The following ATM variants were observed in gnomAD, a reference collection of about 807,000 sequenced individuals.
The protein encoded by ATM is ATM serine/threonine kinase.
In ATM, 308 loss-of-function variants were observed where a neutral mutation model predicts 387.0. That is an observed-to-expected ratio of 0.80 (90% confidence interval 0.73 to 0.87). The LOEUF (loss-of-function observed/expected upper bound fraction) is 0.87, where lower values mean the gene tolerates loss of function less well. ATM is among the 40% of genes least tolerant of loss of function. The pLI, the probability that ATM is intolerant of heterozygous loss-of-function variation, is 0.00. For synonymous variants in ATM, 1,156 were observed against 1,187.3 expected, an observed-to-expected ratio of 0.97 and a Z score of 0.54; for missense variants, 3,312 against 3,560.9, an observed-to-expected ratio of 0.93 and a Z score of 1.78.
At chr11:108,277,370 T>C (rs1489642998) in intron 22 of ATM, among the ~76,000 whole-genome samples, 1 of 151,642 alleles carries the variant, frequency 6.6e-6, no homozygotes, top group African/African-American at 2.4e-5. Context: ...TCTAGGGGAG[T>C]GAATGGGTCC....
chr11:108,266,268 C>T (rs372974282), intron 16 of ATM, among the ~76,000 whole-genome samples: 1 of 150,588 alleles, frequency 6.6e-6, no homozygotes, highest in South Asian at 2.1e-4. Flanking sequence ...GATTAAGAAA[C>T]TGTGGCACAT....
chr11:108,347,826 T>C (rs1442955583), intron 59 of ATM, among the ~76,000 whole-genome samples: 1 of 152,156 alleles, frequency 6.6e-6, no homozygotes, highest in African/African-American at 2.4e-5. Flanking sequence ...CATTAAACTA[T>C]AGGAAATAAA....
rs561177838 is a variant in ATM at position 108,283,437 on chromosome 11, G to A, written c.3746+558G>A. Among the ~76,000 whole-genome samples, 4 of 152,274 alleles carry A rather than the reference G, an allele frequency of 2.6e-5. No homozygotes were observed. The East Asian group carries it at 7.7e-4, about 29-fold the overall frequency. On this transcript the variant is annotated intron_variant, in intron 25 of 62. Coordinates refer to ENST00000675843, the MANE Select transcript of ATM (RefSeq NM_000051.4). ...GTAATGTTTAGGTATCAGGATGATG[G>A]GAAGGCATCTCATATTTGTTGAACA...
chr11:108,236,614 A>T (rs1239512391), intron 5 of ATM: 1 of 152,150 alleles, frequency 6.6e-6, no homozygotes, highest in African/African-American at 2.4e-5. Flanking sequence ...TGTAGAAAGG[A>T]TAAGACACAA....
chr11:108,364,979 C>A lies in ATM; in HGVS notation c.8851-103C>A, dbSNP rs1167895163. ...GATGTTTGTTCCCCTCCCCCATCAA[C>A]TACCATGTGACTGGCTTATTTGTAT... On this transcript the variant is annotated intron_variant, in intron 61 of 62. Coordinates refer to ENST00000675843, the MANE Select transcript of ATM (RefSeq NM_000051.4). 2.2e-6 allele frequency: 3 copies of A among 1,355,912 alleles called. No individual in the cohort carries two copies. In the African/African-American group the frequency reaches 4.3e-5, roughly 20 times the overall value. The allele number at this position is 1,355,912 out of a possible 1,614,324, so 84.0% of individuals were successfully genotyped here.
rs876659081 is a variant in ATM at position 108,244,866 on chromosome 11, T to C, written c.741T>C (p.Phe247=). ...TIFLKTLAVN[F]RIRVCELGDE... ...TCCTCAAGACTTTGGCTGTCAACTT[T>C]CGAATTCGAGTGTGTGAATTAGGAG... Residue 247 remains phenylalanine, a synonymous_variant, in exon 7 of 63, where the codon TTT becomes TTC. Transcript: ENST00000675843. 2 of 1,613,956 alleles carry C rather than the reference T, an allele frequency of 1.2e-6. No homozygotes were observed. Among genetic ancestry groups the C allele is most frequent in the Non-Finnish European group, 1.7e-6 (2 of 1,179,938 alleles).
At chr11:108,286,608 T>C (rs2082505933) in intron 26 of ATM, among the ~76,000 whole-genome samples, 1 of 152,320 alleles carries the variant, frequency 6.6e-6, no homozygotes, top group Admixed American at 6.5e-5. Flanking sequence ...CAATTTCTTA[T>C]CTGCCACAGT....
intron 32 of ATM, 183 bp downstream of exon 32, chr11:108,295,242 C>T: frequency 1.4e-6 from 1 of 696,134 alleles, no homozygotes. Context: ...CTGAACTCTT[C>T]CTGTTTTATT....
chr11:108,297,938 T>C (rs2083212788), intron 33 of ATM, among the ~76,000 whole-genome samples: 1 of 152,198 alleles, frequency 6.6e-6, no homozygotes, highest in South Asian at 2.1e-4. Flanking sequence ...TACTTGTTTT[T>C]AGAGTTAAGT....
chr11:108,267,086 G>C, intron 16 of ATM, 85 bp from the exon 17 acceptor site: 1 of 1,382,202 alleles, frequency 7.2e-7, no homozygotes. Flanking sequence ...GTGAGCCACT[G>C]TGCCCAGCCT....
rs587780614 is a variant in ATM at position 108,251,977 on chromosome 11, A to C, written c.1748A>C (p.Tyr583Ser). The C allele has an allele frequency of 6.2e-7, 1 of 1,613,746 alleles. No homozygotes were observed. The highest frequency in any genetic ancestry group is 8.5e-7 in the Non-Finnish European group (1 of 1,179,782). The change falls in exon 11 of 63, where the codon TAT (tyrosine) becomes TCT (serine). Residue 583 changes from tyrosine to serine, a missense_variant. Physicochemically the swap from Tyr to Ser is moderately radical, Grantham distance 144. Transcript: ENST00000675843. ...KESIMKWLLF[Y>S]QLEGDLENST... The stretch of plus-strand genomic sequence containing the variant: ...TCAATAATGAAATGGCTCTTATTCT[A>C]TCAGTTAGAGGGTGACTTAGAAAAT...
At chr11:108,240,758 T>TA (rs764764338) in intron 5 of ATM, among the ~76,000 whole-genome samples, 9 of 152,170 alleles carry the variant, frequency 5.9e-5, no homozygotes, top group Non-Finnish European at 1.3e-4. Context: ...AAATGTGTGG[T>TA]AATGTAAAGG....
At chr11:108,317,694 T>C (rs2084865488) in intron 43 of ATM, among the ~76,000 whole-genome samples, 173 bp downstream of exon 43, 1 of 142,516 alleles carries the variant, frequency 7.0e-6, no homozygotes, top group African/African-American at 2.7e-5. Flanking sequence ...ATACATACCA[T>C]ATATATAGTG....
At chr11:108,291,011 G>A (rs1425122912) in intron 29 of ATM, among the ~76,000 whole-genome samples, 1 of 151,972 alleles carries the variant, frequency 6.6e-6, no homozygotes, top group Non-Finnish European at 1.5e-5. Context: ...TGAGGCGGGT[G>A]GATCACAAGG....
At position 108,335,892 on chromosome 11, in the gene ATM, G is replaced by A. The variant is rs770552705; in HGVS notation, c.8199G>A (p.Gln2733=). ...ATGCTGTCATGCAACAGGTCTTCCA[G>A]ATGTGTAATACATTACTGCAGAGAA... ...RQDAVMQQVF[Q]MCNTLLQRNT... Residue 2733 remains glutamine, a synonymous_variant, in exon 56 of 63, where the codon CAG becomes CAA. Transcript: ENST00000675843. 1.9e-6 allele frequency: 3 copies of A among 1,613,924 alleles called. No homozygotes were observed. Among genetic ancestry groups the A allele is most frequent in the South Asian group, 1.1e-5 (1 of 91,080 alleles).
chr11:108,331,128 T>C, intron 50 of ATM: 1 of 1,053,426 alleles, frequency 9.5e-7, no homozygotes, highest in Non-Finnish European at 1.2e-6. Flanking sequence ...TTCTCAGGAA[T>C]CAAGATCACA....
At position 108,229,304 on chromosome 11, in the gene ATM, C is replaced by T. The variant is rs1060504310; in HGVS notation, c.312C>T (p.Phe104=). The part of the protein sequence containing the change: ...MQEISSLVKY[F]IKCANRRAPR... ...AAATCAGTAGTTTGGTCAAATACTT[C>T]ATCAAATGTGCAAACAGAAGTAAGT... Residue 104 remains phenylalanine, a synonymous_variant, in exon 4 of 63, where the codon TTC becomes TTT. Transcript: ENST00000675843. 1.9e-6 allele frequency: 3 copies of T among 1,612,102 alleles called. No individual in the cohort carries two copies. Among genetic ancestry groups the T allele is most frequent in the Non-Finnish European group, 2.5e-6 (3 of 1,179,258 alleles).
Position 108,314,782 on chromosome 11 carries a change from TTAAA to T in ATM, c.6007-1036_6007-1033del, listed in dbSNP as rs2084474821. 9.2e-5 allele frequency among the ~76,000 whole-genome samples: 14 copies of T among 152,292 alleles called. No individual in the cohort carries two copies. In the South Asian group the frequency reaches 2.5e-3, roughly 27 times the overall value. ...TGTATATGTATTATATACTGTATTC[TTAAA>T]TAAAGTAGCTTGAGAAAAGAAAATG... On this transcript the variant is annotated intron_variant, in intron 40 of 62. Coordinates refer to ENST00000675843, the MANE Select transcript of ATM (RefSeq NM_000051.4).
intron 33 of ATM, 113 bp downstream of exon 33, chr11:108,297,495 A>G (rs1389890484): frequency 3.3e-6 from 3 of 913,900 alleles, no homozygotes; most frequent in Non-Finnish European, 5.3e-6. Context: ...AGTATTCAGT[A>G]TAGTAACATG....
Sources: gnomAD v4.1 joint callset for allele counts (sites outside exome capture counted in the v4.1 genomes callset) on GRCh38, gnomAD v4.1.1 for gene constraint, MANE v1.5 for transcripts, NCBI Gene and HGNC (gene_info 2026-07-23, HGNC 2026-07-21) for gene names.